The following MFHAS1 variants were observed in gnomAD, a reference collection of about 807,000 sequenced individuals.
MFHAS1 encodes the protein malignant fibrous histiocytoma-amplified sequence 1.
MFHAS1 carries 50 observed loss-of-function variants against 70.4 expected under a neutral mutation model. The observed-to-expected ratio is 0.71, with a 90% CI of 0.57 to 0.90. MFHAS1 has a LOEUF of 0.90. Ranked by LOEUF, MFHAS1 falls within the 40% of genes least tolerant of loss-of-function variation. The probability of loss-of-function intolerance (pLI) is 0.00; values close to 1 mark genes in which losing one functional copy is unlikely to be tolerated. For missense variants in MFHAS1, 1,795 were observed against 1,347.6 expected (o/e 1.33, Z -5.20); for synonymous variants, 952 against 620.0 (o/e 1.54, Z -7.96).
chr8:8,854,311 G>A (rs1222221674), intron 1 of MFHAS1, among the ~76,000 whole-genome samples: 1 of 152,102 alleles, frequency 6.6e-6, no homozygotes, highest in Admixed American at 6.5e-5. Flanking sequence ...GAAGAGGTCA[G>A]GAGATCAAGA....
At chr8:8,848,771 A>G (rs1410678806) in intron 1 of MFHAS1, among the ~76,000 whole-genome samples, 1 of 152,230 alleles carries the variant, frequency 6.6e-6, no homozygotes, top group Non-Finnish European at 1.5e-5. Context: ...TATGGCAAGC[A>G]GTCGGCCCAC....
At chr8:8,821,190 G>A (rs1477403408) in intron 1 of MFHAS1, among the ~76,000 whole-genome samples, 1 of 152,182 alleles carries the variant, frequency 6.6e-6, no homozygotes, top group East Asian at 1.9e-4. Context: ...TGAACTGCCT[G>A]CCTGAACTGC....
chr8:8,801,655 T>A (rs1323153491), intron 1 of MFHAS1, among the ~76,000 whole-genome samples: 2 of 152,248 alleles, frequency 1.3e-5, no homozygotes, highest in African/African-American at 4.8e-5. Flanking sequence ...CATTCTCAAA[T>A]TGAACATAAA....
intron 1 of MFHAS1, among the ~76,000 whole-genome samples, chr8:8,837,948 A>G (rs1006795643): frequency 6.6e-6 from 1 of 152,212 alleles, no homozygotes; most frequent in African/African-American, 2.4e-5. Flanking sequence ...AGGAGAAACA[A>G]TGACATGTCC....
At chr8:8,850,932 A>G (rs777615496) in intron 1 of MFHAS1, among the ~76,000 whole-genome samples, 36 of 151,704 alleles carry the variant, frequency 2.4e-4, no homozygotes, top group Non-Finnish European at 4.6e-4. Context: ...CTCTTTCCCC[A>G]TCTCCAGCTA....
chr8:8,865,106 T>A (rs1375238276), intron 1 of MFHAS1, among the ~76,000 whole-genome samples: 2 of 151,884 alleles, frequency 1.3e-5, no homozygotes, highest in Non-Finnish European at 2.9e-5. Context: ...TGAAACCCCA[T>A]TTCTACTAAA....
chr8:8,792,182 A>C (rs1805740494), intron 2 of MFHAS1, among the ~76,000 whole-genome samples: 1 of 151,172 alleles, frequency 6.6e-6, no homozygotes, highest in African/African-American at 2.4e-5. Context: ...GGTTGCAGTG[A>C]GCCGAGATCA....
chr8:8,823,464 C>T (rs1319694280), intron 1 of MFHAS1, among the ~76,000 whole-genome samples: 1 of 152,124 alleles, frequency 6.6e-6, no homozygotes, highest in Non-Finnish European at 1.5e-5. Flanking sequence ...TGGGCCTCGT[C>T]CCTTCTACTG....
rs1810041404 is a variant in MFHAS1, at chr8:8,891,600, T to A, written c.1459A>T (p.Ile487Phe). 2 of 1,613,352 alleles carry A rather than the reference T, an allele frequency of 1.2e-6. No individual in the cohort carries two copies. The highest frequency in any genetic ancestry group is 1.1e-5 in the South Asian group (1 of 91,088). ...DLAGDESYEV[I>F]QPFFLSPGAL... is the part of the protein sequence containing the mutation. ...CCTGGGGACAGGAAGAAGGGCTGGA[T>A]CACCTCATAACTTTCATCCCCAGCT... The change falls in exon 1 of 3, where the codon ATC (isoleucine) becomes TTC (phenylalanine). Residue 487 changes from isoleucine to phenylalanine, a missense_variant. Physicochemically the swap from Ile to Phe is conservative, Grantham distance 21. Transcript: ENST00000276282. The surrounding 1 kb of genome is among the most constrained non-coding windows in gnomAD (Gnocchi z 5.4).
At chr8:8,819,447 C>T (rs1018304014) in intron 1 of MFHAS1, among the ~76,000 whole-genome samples, 3 of 151,642 alleles carry the variant, frequency 2.0e-5, no homozygotes, top group African/African-American at 7.3e-5. Context: ...CTACTAAAAA[C>T]ACAAAAAATT....
rs111450378 is a variant in MFHAS1 at position 8,853,216 on chromosome 8, A to C, written c.2998+36845T>G. Among the ~76,000 whole-genome samples, 1,117 of 150,924 alleles carry C rather than the reference A, an allele frequency of 7.4e-3. 15 individuals are homozygous for C. Among genetic ancestry groups the C allele is most frequent in the African/African-American group, 0.025 (997 of 40,572 alleles). ...TCACACACACACTCACATACCCCCC[A>C]AAAAAAATGGAGGCTTAAAATACCC... is the stretch of plus-strand genomic sequence containing the variant. On this transcript the variant is annotated intron_variant, in intron 1 of 2. Transcript: ENST00000276282.
At chr8:8,882,934 T>A (rs1464034384) in intron 1 of MFHAS1, among the ~76,000 whole-genome samples, 1 of 151,792 alleles carries the variant, frequency 6.6e-6, no homozygotes, top group Non-Finnish European at 1.5e-5. Flanking sequence ...GGGAGGATCA[T>A]CTGAGGTCAG....
chr8:8,879,470 C>CA (rs1392832947), intron 1 of MFHAS1, among the ~76,000 whole-genome samples: 1 of 152,216 alleles, frequency 6.6e-6, no homozygotes, highest in African/African-American at 2.4e-5. Flanking sequence ...CCAGCATCCT[C>CA]ACAAGTTCTG....
chr8:8,795,514 A>C (rs1236942154), intron 2 of MFHAS1, among the ~76,000 whole-genome samples: 2 of 152,280 alleles, frequency 1.3e-5, no homozygotes, highest in African/African-American at 4.8e-5. Flanking sequence ...ATAGTTAAAT[A>C]GTACTCTGAA....
At chr8:8,800,666 T>C (rs868744771) in intron 1 of MFHAS1, among the ~76,000 whole-genome samples, 2 of 152,184 alleles carry the variant, frequency 1.3e-5, no homozygotes, top group South Asian at 2.1e-4. Context: ...ATCTTCAAGT[T>C]CTACTTTTGT....
intron 1 of MFHAS1, among the ~76,000 whole-genome samples, chr8:8,835,903 A>G (rs914360821): frequency 6.6e-6 from 1 of 152,238 alleles, no homozygotes; most frequent in Non-Finnish European, 1.5e-5. Flanking sequence ...AGTCATTTAC[A>G]TATTATCTAC....
chr8:8,822,507 G>T (rs1450812472), intron 1 of MFHAS1, among the ~76,000 whole-genome samples: 2 of 147,750 alleles, frequency 1.4e-5, no homozygotes, highest in East Asian at 2.0e-4. Flanking sequence ...GGGGGACTGA[G>T]ATGGGGACAG....
rs1460747366 is a variant in MFHAS1, at chr8:8,893,620, T to TA, written c.-563_-562insT. On this transcript the variant is annotated 5_prime_UTR_variant, in exon 1 of 3. Coordinates refer to ENST00000276282, the MANE Select transcript of MFHAS1 (RefSeq NM_004225.3). ...GTCCCCGGCGCTGGGAGGGCGCGAT[T>TA]GGGAAGCGGCAGCGCCGCCCGCCGG... 1 of 145,458 alleles carries TA rather than the reference T, an allele frequency of 6.9e-6. No homozygotes were observed. The highest frequency in any genetic ancestry group is 1.5e-5 in the Non-Finnish European group (1 of 65,426). The allele number at this position is 145,458 out of a possible 1,614,324, so 9.0% of individuals were successfully genotyped here. A position where few individuals can be genotyped will look rare whatever the true frequency, so the allele number is the denominator to read the frequency against.
chr8:8,811,363 A>AGT (rs2117283502), intron 1 of MFHAS1, among the ~76,000 whole-genome samples: 1 of 152,084 alleles, frequency 6.6e-6, no homozygotes, highest in African/African-American at 2.4e-5. Context: ...GCTGGAGTAC[A>AGT]GTGGCGCAAT....
Sources: gnomAD v4.1 joint callset for allele counts (sites outside exome capture counted in the v4.1 genomes callset) on GRCh38, gnomAD v4.1.1 for gene constraint, Gnocchi (gnomAD v3.1) non-coding constraint, MANE v1.5 for transcripts, NCBI Gene and HGNC (gene_info 2026-07-23, HGNC 2026-07-21) for gene names.